ATR: variants seen among roughly 807,000 people sequenced by gnomAD.
ATR encodes the protein serine/threonine-protein kinase ATR.
A neutral mutation model predicts 305.3 loss-of-function variants in ATR; 142 were observed. That is an observed-to-expected ratio of 0.47 (90% CI 0.41 to 0.53). The LOEUF is 0.53. Among genes scored for constraint, ATR ranks in the 20% least tolerant of loss-of-function variants. The pLI is 0.00. For synonymous variants in ATR, 1,050 were observed against 1,068.1 expected (o/e 0.98, Z 0.33); for missense variants, 2,135 against 3,133.1 (o/e 0.68, Z 7.60).
chr3:142,571,782 A>C (rs1395123455), intron 1 of ATR, among the ~76,000 whole-genome samples: 2 of 152,184 alleles, frequency 1.3e-5, no homozygotes, highest in African/African-American at 4.8e-5. Flanking sequence ...TCTTTTTCTG[A>C]TACAGAGTCT....
intron 19 of ATR, among the ~76,000 whole-genome samples, chr3:142,538,003 G>A (rs923019414): frequency 4.6e-5 from 7 of 152,094 alleles, no homozygotes; most frequent in Non-Finnish European, 1.5e-5. Context: ...TTTGTATGCT[G>A]GAATGACACC....
chr3:142,477,148 A>G (rs530921145), intron 36 of ATR, among the ~76,000 whole-genome samples: 1 of 152,306 alleles, frequency 6.6e-6, no homozygotes, highest in South Asian at 2.1e-4. Flanking sequence ...AGGAGTGGTG[A>G]GAGAGGGCAT....
intron 21 of ATR, among the ~76,000 whole-genome samples, chr3:142,524,433 A>G (rs1455270501): frequency 6.6e-6 from 1 of 152,234 alleles, no homozygotes; most frequent in African/African-American, 2.4e-5. Context: ...TCATTAATCC[A>G]TTAAACAAGC....
chr3:142,506,097 A>C (rs2032221154), intron 28 of ATR, among the ~76,000 whole-genome samples: 1 of 152,234 alleles, frequency 6.6e-6, no homozygotes, highest in African/African-American at 2.4e-5. Flanking sequence ...TCAACAGAAA[A>C]GAAAAAGAGA....
chr3:142,542,976 G>A (rs971237440), intron 16 of ATR, among the ~76,000 whole-genome samples: 8 of 152,174 alleles, frequency 5.3e-5, no homozygotes, highest in East Asian at 3.9e-4. Context: ...TAGTCACCAC[G>A]AAAAAATATG....
chr3:142,489,425 T>A (rs1242255128), intron 35 of ATR, among the ~76,000 whole-genome samples: 1 of 152,202 alleles, frequency 6.6e-6, no homozygotes, highest in Non-Finnish European at 1.5e-5. Context: ...TGAACATTCC[T>A]AACTCTCGAA....
Position 142,450,584 on chromosome 3 carries a change from A to C in ATR, c.7762-982T>G, listed in dbSNP as rs571356015. On this transcript the variant is annotated intron_variant, in intron 46 of 46. Coordinates refer to ENST00000350721, the MANE Select transcript of ATR (RefSeq NM_001184.4). ...GCACAAACTTCACGTTACTTAAATG[A>C]ATTTGAAGAACTTGCCATCTTAGGA... The C allele has an allele frequency of 3.9e-5, 62 of 1,607,932 alleles. 1 individual carries two copies. The South Asian group carries it at 6.5e-4, about 17-fold the overall frequency.
At chr3:142,508,159 A>T (rs769674726) in intron 27 of ATR, 50 bp from the exon 28 acceptor site, 6 of 1,487,088 alleles carry the variant, frequency 4.0e-6, no homozygotes, top group African/African-American at 1.4e-5. Context: ...GATAAAATTT[A>T]AAAGTGTCAA....
At chr3:142,553,431 C>CA (rs772567415) in intron 12 of ATR, 33 bp from the exon 13 acceptor site, 3 of 1,489,276 alleles carry the variant, frequency 2.0e-6, no homozygotes, top group African/African-American at 3.1e-5. Flanking sequence ...TATGAATACA[C>CA]AAACACACAC....
chr3:142,459,273 T>C lies in ATR; in HGVS notation c.7303A>G (p.Ile2435Val), dbSNP rs149045116. 2.6e-4 allele frequency: 423 copies of C among 1,613,944 alleles called. No homozygotes were observed. The highest frequency in any genetic ancestry group is 3.2e-4 in the Non-Finnish European group (381 of 1,179,880). ...GTTCTCAGAAACCACTCATGAAAAATAGGAGGATGCCTGGGCAGGAGAAAT... is the reference window on the plus strand; with the variant it reads ...GTTCTCAGAAACCACTCATGAAAAACAGGAGGATGCCTGGGCAGGAGAAAT... ...REFLLPRHPPIFHEWFLRTFP... is the reference protein window; with the variant it reads ...REFLLPRHPPVFHEWFLRTFP... Residue 2435 changes from isoleucine to valine, a missense_variant, in exon 43 of 47, where the codon ATT becomes GTT. Physicochemically the swap from Ile to Val is conservative, Grantham distance 29. This residue lies in a region of ATR where 462 missense variants were observed against 887.6 expected (regional missense o/e 0.52). Coordinates refer to ENST00000350721, the MANE Select transcript of ATR (RefSeq NM_001184.4).
At chr3:142,469,087 C>T (rs948641189) in intron 38 of ATR, among the ~76,000 whole-genome samples, 1 of 152,146 alleles carries the variant, frequency 6.6e-6, no homozygotes, top group African/African-American at 2.4e-5. Flanking sequence ...GTTTACTAGA[C>T]TTCATAAAGA....
chr3:142,551,605 A>T (rs566020701), intron 13 of ATR, among the ~76,000 whole-genome samples: 2 of 152,330 alleles, frequency 1.3e-5, no homozygotes, highest in Non-Finnish European at 2.9e-5. Flanking sequence ...TGGTGCTGGG[A>T]GAACTGACTA....
chr3:142,572,365 G>A (rs1030354929), intron 1 of ATR, among the ~76,000 whole-genome samples: 3 of 134,370 alleles, frequency 2.2e-5, no homozygotes, highest in Non-Finnish European at 4.8e-5. Context: ...CACCACGCCC[G>A]GCCTGACTTT....
chr3:142,451,117 C>G, intron 46 of ATR: 1 of 1,264,512 alleles, frequency 7.9e-7, no homozygotes, highest in African/African-American at 1.6e-5. Flanking sequence ...CCCTGCTGCT[C>G]AGGTGTAATT....
intron 1 of ATR, among the ~76,000 whole-genome samples, chr3:142,574,029 C>A (rs2035358345): frequency 6.6e-6 from 1 of 152,000 alleles, no homozygotes; most frequent in Non-Finnish European, 1.5e-5. Flanking sequence ...GGAAGAGGAG[C>A]CAGGATTGTG....
Position 142,489,935 on chromosome 3 carries a change from T to C in ATR, c.6078+3197A>G, listed in dbSNP as rs1052803692. Among the ~76,000 whole-genome samples the C allele has an allele frequency of 1.1e-4, 17 of 152,380 alleles. 1 individual carries two copies. The Middle Eastern group carries it at 0.014, about 122-fold the overall frequency. ...TTAGCCATTTTAGTGTGTAATGTGT[T>C]ATTTCATTGTGGTTTTAATTTGCAT... On this transcript the variant is annotated intron_variant, in intron 35 of 46. Coordinates refer to ENST00000350721, the MANE Select transcript of ATR (RefSeq NM_001184.4).
chr3:142,543,570 TCC>T (rs918361698), intron 16 of ATR, among the ~76,000 whole-genome samples: 4 of 151,422 alleles, frequency 2.6e-5, no homozygotes, highest in African/African-American at 9.7e-5. Context: ...CCTCCCTCCC[TCC>T]CTCTTTCTTT....
In ATR at chr3:142,465,834, G is replaced by A. The variant is rs143210946; in HGVS notation, c.6897+490C>T. 856 of 171,856 alleles carry A rather than the reference G, an allele frequency of 5.0e-3. 11 individuals are homozygous for A. Among genetic ancestry groups the A allele is most frequent in the African/African-American group, 0.02 (820 of 41,470 alleles). The allele number at this position is 171,856 out of a possible 1,614,324, so 10.6% of individuals were successfully genotyped here. ...AGCCTGGGCAACATGACGAAACCCC[G>A]TATCTACAAAAAATTTAAAAAATTA... On this transcript the variant is annotated intron_variant, in intron 40 of 46. Coordinates refer to ENST00000350721, the MANE Select transcript of ATR (RefSeq NM_001184.4).
chr3:142,553,763 T>C (rs933291274), intron 11 of ATR, 23 bp from the exon 12 acceptor site: 1 of 1,610,112 alleles, frequency 6.2e-7, no homozygotes, highest in Non-Finnish European at 8.5e-7. Flanking sequence ...AATTAACTGG[T>C]TAAAGAAATT....
Sources: gnomAD v4.1 joint callset for allele counts (sites outside exome capture counted in the v4.1 genomes callset) on GRCh38, gnomAD v4.1.1 for gene constraint, gnomAD v4.1.1 regional missense constraint, MANE v1.5 for transcripts, NCBI Gene and HGNC (gene_info 2026-07-23, HGNC 2026-07-21) for gene names.